Variants in AP1S3 observed in about 807,000 individuals in gnomAD.
The protein encoded by AP1S3 is adaptor related protein complex 1 subunit sigma 3, also known as AP-1 complex subunit sigma-3.
In AP1S3, 10 loss-of-function variants were observed where a neutral mutation model predicts 20.9. That is an observed-to-expected ratio of 0.48 (90% CI 0.29 to 0.81). AP1S3 has a LOEUF of 0.81. Among genes scored for constraint, AP1S3 ranks in the 30% least tolerant of loss-of-function variants. The pLI is 0.08. For synonymous variants in AP1S3, 41 were observed against 61.5 expected, an observed-to-expected ratio of 0.67 and a Z score of 1.56; for missense variants, 154 against 183.8, an observed-to-expected ratio of 0.84 and a Z score of 0.94.
At chr2:223,833,840 C>T (rs12373774) in intron 1 of AP1S3, among the ~76,000 whole-genome samples, 50,473 of 152,088 alleles carry the variant, frequency 0.33, 8,768 homozygotes, top group Middle Eastern at 0.43. Flanking sequence ...TGTTAAACTC[C>T]GGGACAGTGA....
At chr2:223,832,400 A>G (rs12998062) in intron 1 of AP1S3, among the ~76,000 whole-genome samples, 4,358 of 152,112 alleles carry the variant, frequency 0.029, 189 homozygotes, top group African/African-American at 0.098. Context: ...CGGTAGTAAC[A>G]ATCCTGGTGA....
intron 1 of AP1S3, among the ~76,000 whole-genome samples, chr2:223,783,427 T>G (rs561827862): frequency 2.2e-4 from 34 of 152,266 alleles, no homozygotes; most frequent in Admixed American, 2.2e-3. Context: ...GTCCTCAGAG[T>G]GCCTACTAGA....
chr2:223,823,182 G>GC (rs1204809412), intron 1 of AP1S3, among the ~76,000 whole-genome samples: 1 of 152,072 alleles, frequency 6.6e-6, no homozygotes, highest in Admixed American at 6.6e-5. Flanking sequence ...CAGTATCAAG[G>GC]CCCCCCAAAA....
chr2:223,826,453 C>T (rs963011583), intron 1 of AP1S3, among the ~76,000 whole-genome samples: 2 of 152,062 alleles, frequency 1.3e-5, no homozygotes, highest in South Asian at 4.1e-4. Context: ...ATTAGCTGAG[C>T]ATAGTGGTGT....
At chr2:223,820,525 T>C (rs1478504484) in intron 1 of AP1S3, among the ~76,000 whole-genome samples, 1 of 151,100 alleles carries the variant, frequency 6.6e-6, no homozygotes, top group African/African-American at 2.4e-5. Context: ...AACATCTATA[T>C]GTGTACATAC....
At chr2:223,773,262 GC>G in intron 3 of AP1S3, 1 of 1,294,264 alleles carries the variant, frequency 7.7e-7, no homozygotes, top group South Asian at 1.3e-5. Context: ...AACAGGTCAA[GC>G]CGGAGTTCAG....
At chr2:223,790,896 T>G (rs1691202545) in intron 1 of AP1S3, among the ~76,000 whole-genome samples, 1 of 152,128 alleles carries the variant, frequency 6.6e-6, no homozygotes, top group Non-Finnish European at 1.5e-5. Flanking sequence ...AACACCTCTA[T>G]GCACATAAAC....
intron 1 of AP1S3, among the ~76,000 whole-genome samples, chr2:223,780,683 C>T (rs895815143): frequency 2.0e-5 from 3 of 151,678 alleles, no homozygotes; most frequent in South Asian, 4.2e-4. Flanking sequence ...CTCCCACCTC[C>T]GTCTCCCAGA....
intron 1 of AP1S3, among the ~76,000 whole-genome samples, chr2:223,790,464 A>G (rs1691190708): frequency 6.6e-6 from 1 of 151,918 alleles, no homozygotes; most frequent in South Asian, 2.1e-4. Flanking sequence ...CAAACTCCTG[A>G]CCTCAGTGAT....
chr2:223,760,206 A>G (rs759424905), intron 4 of AP1S3, among the ~76,000 whole-genome samples: 8 of 152,176 alleles, frequency 5.3e-5, no homozygotes, highest in Non-Finnish European at 1.2e-4. Flanking sequence ...TCGAGAGGAC[A>G]AAAAATCACC....
chr2:223,800,587 CA>C (rs1351650841), intron 1 of AP1S3, among the ~76,000 whole-genome samples: 2 of 151,806 alleles, frequency 1.3e-5, no homozygotes, highest in African/African-American at 2.4e-5. Flanking sequence ...AAAGAAAAAT[CA>C]CATGATTATA....
Position 223,809,152 on chromosome 2 carries a change from T to G in AP1S3, c.3+28296A>C, listed in dbSNP as rs1389778372. Among the ~76,000 whole-genome samples the G allele has an allele frequency of 3.9e-5, 6 of 152,350 alleles. No individual in the cohort carries two copies. The South Asian group carries it at 1.2e-3, about 32-fold the overall frequency. ...AGCAGGTCACTCCCCTGCACAAAAC[T>G]TCTCTCCAGGAAAGAGCCAAATCCT... On this transcript the variant is annotated intron_variant, in intron 1 of 4. Transcript: ENST00000396654.
At chr2:223,791,863 T>C (rs1161269903) in intron 1 of AP1S3, among the ~76,000 whole-genome samples, 1 of 152,108 alleles carries the variant, frequency 6.6e-6, no homozygotes, top group African/African-American at 2.4e-5. Flanking sequence ...TGTGCAAAAA[T>C]CACTAGCCTG....
chr2:223,786,321 T>A (rs1559282992), intron 1 of AP1S3, among the ~76,000 whole-genome samples: 1 of 152,346 alleles, frequency 6.6e-6, no homozygotes, highest in South Asian at 2.1e-4. Context: ...CATTTCATTC[T>A]GGCAATAAAC....
intron 4 of AP1S3, among the ~76,000 whole-genome samples, chr2:223,762,306 T>A (rs1690375550): frequency 7.5e-6 from 1 of 132,678 alleles, no homozygotes; most frequent in Non-Finnish European, 1.5e-5. Context: ...GGAGTCTTGC[T>A]CTGTCACCCA....
chr2:223,788,973 G>T (rs1691141619), intron 1 of AP1S3, among the ~76,000 whole-genome samples: 1 of 151,984 alleles, frequency 6.6e-6, no homozygotes, highest in South Asian at 2.1e-4. Flanking sequence ...ACAGAGAAAA[G>T]ACCTTTAGGT....
At chr2:223,812,469 G>A (rs919495530) in intron 1 of AP1S3, among the ~76,000 whole-genome samples, 5 of 152,128 alleles carry the variant, frequency 3.3e-5, no homozygotes, top group Admixed American at 6.5e-5. Context: ...TGATCAGCCC[G>A]CATTGGCCTC....
At chr2:223,807,422 T>C (rs1398714014) in intron 1 of AP1S3, among the ~76,000 whole-genome samples, 1 of 152,208 alleles carries the variant, frequency 6.6e-6, no homozygotes, top group Non-Finnish European at 1.5e-5. Context: ...TAGGGCTTTG[T>C]TGATACTGGG....
intron 1 of AP1S3, among the ~76,000 whole-genome samples, chr2:223,796,680 C>T (rs1047723519): frequency 2.8e-4 from 43 of 152,002 alleles, no homozygotes; most frequent in African/African-American, 9.4e-4. Context: ...TTTCTTTTCT[C>T]GAGATGGAGT....
Sources: gnomAD v4.1 joint callset for allele counts (sites outside exome capture counted in the v4.1 genomes callset) on GRCh38, gnomAD v4.1.1 for gene constraint, MANE v1.5 for transcripts, NCBI Gene and HGNC (gene_info 2026-07-23, HGNC 2026-07-21) for gene names.